ABCB9: variants seen among roughly 807,000 people sequenced by gnomAD.
ABCB9 encodes ABC-type oligopeptide transporter ABCB9.
Under a neutral mutation model 62.0 loss-of-function variants are expected in ABCB9, and 36 were observed. That is an observed-to-expected ratio of 0.58 (90% CI 0.45 to 0.77). The LOEUF (loss-of-function observed/expected upper bound fraction) is 0.77, where lower values mean the gene tolerates loss of function less well. Ranked by LOEUF, ABCB9 falls within the 30% of genes least tolerant of loss-of-function variation. The pLI, the probability that ABCB9 is intolerant of heterozygous loss-of-function variation, is 0.00. For missense variants in ABCB9, 943 were observed against 1,054.7 expected (o/e 0.89, Z 1.47); for synonymous variants, 435 against 461.4 (o/e 0.94, Z 0.73).
At chr12:122,923,453 ATTTT>A (rs967742061) in intron 11 of ABCB9, among the ~76,000 whole-genome samples, 2 of 150,950 alleles carry the variant, frequency 1.3e-5, no homozygotes, top group South Asian at 4.2e-4. Flanking sequence ...CGCCCGGCTA[ATTTT>A]TTTTTGTATT....
downstream of ABCB9, among the ~76,000 whole-genome samples, chr12:122,928,208 G>A (rs1015519248): frequency 2.6e-5 from 4 of 152,156 alleles, no homozygotes; most frequent in African/African-American, 9.7e-5. Flanking sequence ...GGTGGCTCAC[G>A]CCTATAATCC....
At chr12:122,920,750 CA>C (rs60857491), downstream of ABCB9, among the ~76,000 whole-genome samples, 8,958 of 142,362 alleles carry the variant, frequency 0.063, 819 homozygotes, top group African/African-American at 0.2. Context: ...ACAAAAAATA[CA>C]AAAAAAAAAA....
At position 122,929,321 on chromosome 12, in the gene ABCB9, G is replaced by A. The variant is rs960175545; in HGVS notation, c.*590C>T. 2.1e-5 allele frequency: 21 copies of A among 985,826 alleles called. No individual in the cohort carries two copies. In the South Asian group the frequency reaches 2.3e-4, roughly 11 times the overall value. 61.1% of individuals were successfully genotyped at this position (985,826 alleles called of 1,614,324 possible). A position where few individuals can be genotyped will look rare whatever the true frequency, so the allele number is the denominator to read the frequency against. ...AGTGAGACTGGCTTAGATTGGCAGC[G>A]GGCGATGGCAGACAGATGCCCTCCA... On this transcript the variant is annotated 3_prime_UTR_variant, in exon 12 of 12. Transcript: ENST00000280560. This position sits in a 1 kb window ranked among gnomAD's most constrained non-coding sequence, Gnocchi z 6.0.
At chr12:122,924,667 GC>G (rs1401443034), downstream of ABCB9, 1 of 1,504,712 alleles carries the variant, frequency 6.6e-7, no homozygotes, top group African/African-American at 1.4e-5. Flanking sequence ...AAGTCCTGGC[GC>G]CAGGACTAAG....
exon 1 of ABCB9, chr12:122,975,099 T>G (rs531825907): frequency 4.0e-6 from 2 of 499,278 alleles, no homozygotes; most frequent in Non-Finnish European, 7.2e-6. Flanking sequence ...AGCATCTTTC[T>G]CCGCAGACCG....
In ABCB9 at chr12:122,932,200, C is replaced by T. The variant is rs1226672816; in HGVS notation, c.2032G>A (p.Glu678Lys). The change falls in exon 11 of 12, where the codon GAG becomes AAG. Residue 678 changes from glutamate (E) to lysine (K), a missense_variant. Transcript: ENST00000280560. This position sits in a 1 kb window ranked among gnomAD's most constrained non-coding sequence, Gnocchi z 4.7. ...ACCACCCTGTGACTCACCAGATACT[C>T]GCTCTCGGCATCCAAAGCGCTGGTG... Reference protein sequence around the residue: ...EATSALDAESEYLIQQAIHGN... With the variant: ...EATSALDAESKYLIQQAIHGN... 3.9e-6 allele frequency: 6 copies of T among 1,552,724 alleles called. No individual in the cohort carries two copies. The highest frequency in any genetic ancestry group is 1.2e-5 in the South Asian group (1 of 84,098).
chr12:122,939,959 T>C (rs1404436963), intron 9 of ABCB9, 152 bp downstream of exon 9: 22 of 1,087,088 alleles, frequency 2.0e-5, no homozygotes, highest in Non-Finnish European at 2.8e-5. Context: ...GACAAGAATG[T>C]TCTGTTTCTC....
At chr12:122,962,269 G>A (rs1206650363) in intron 1 of ABCB9, among the ~76,000 whole-genome samples, 1 of 152,214 alleles carries the variant, frequency 6.6e-6, no homozygotes, top group Non-Finnish European at 1.5e-5. Context: ...GACCGGGCTG[G>A]GGTGTGTCCC....
At chr12:122,974,207 T>G (rs1237086625) in intron 1 of ABCB9, among the ~76,000 whole-genome samples, 1 of 152,112 alleles carries the variant, frequency 6.6e-6, no homozygotes, top group Non-Finnish European at 1.5e-5. Flanking sequence ...AAAGGGCAGT[T>G]AGGCGGGTAA....
intron 4 of ABCB9, 100 bp downstream of exon 4, chr12:122,949,688 G>T: frequency 1.3e-6 from 2 of 1,484,546 alleles, no homozygotes; most frequent in Non-Finnish European, 1.9e-6. Context: ...AAGACAGAGG[G>T]CTGAGACCAC....
At chr12:122,973,606 A>AAAAC (rs2037320655) in intron 1 of ABCB9, among the ~76,000 whole-genome samples, 1 of 144,382 alleles carries the variant, frequency 6.9e-6, no homozygotes, top group South Asian at 2.2e-4. Flanking sequence ...AAAAAAAAAA[A>AAAAC]AAACAAAAAC....
intron 2 of ABCB9, among the ~76,000 whole-genome samples, chr12:122,955,660 G>A (rs2036578667): frequency 6.6e-6 from 1 of 152,204 alleles, no homozygotes; most frequent in South Asian, 2.1e-4. Flanking sequence ...GGCATTGTAG[G>A]CATGAGCCAC....
At chr12:122,975,075 C>T in exon 1 of ABCB9, 2 of 483,490 alleles carry the variant, frequency 4.1e-6, no homozygotes, top group Non-Finnish European at 7.5e-6. Flanking sequence ...CCGCCGGTCC[C>T]AACCCGGCCC....
In ABCB9 at chr12:122,921,471, A is replaced by G. The variant is rs1033675706; in HGVS notation, c.2041-428T>C. Among the ~76,000 whole-genome samples, 9 of 151,878 alleles carry G rather than the reference A, an allele frequency of 5.9e-5. No individual in the cohort carries two copies. The South Asian group carries it at 8.3e-4, about 14-fold the overall frequency. ...GTTAATGTTATGTTATGTGTATTTT[A>G]CCACAATTTAAAAAGCAAACATTGG... On this transcript the variant is annotated intron_variant, in intron 11 of 11. Coordinates refer to the ABCB9 transcript ENST00000344275.
chr12:122,975,067 G>T (rs370743365), exon 1 of ABCB9: 105 of 467,442 alleles, frequency 2.2e-4, no homozygotes, highest in African/African-American at 1.9e-3. Context: ...CGAGGAGGCC[G>T]CCGGTCCCAA....
chr12:122,924,947 C>CAAAA, downstream of ABCB9: 2 of 890,286 alleles, frequency 2.2e-6, no homozygotes, highest in African/African-American at 1.7e-5. Flanking sequence ...GACAGAGTCT[C>CAAAA]ACTCTGTCAC....
chr12:122,964,217 C>T lies in ABCB9; in HGVS notation c.-88+2070G>A, dbSNP rs2037054358. ...CAAAACCTGGACAGCAGCCCAGGGG[C>T]TTGGCTGACTCTCCCAACCTGACTC... On this transcript the variant is annotated intron_variant, in intron 1 of 11. Transcript: ENST00000280560. This position sits in a 1 kb window ranked among gnomAD's most constrained non-coding sequence, Gnocchi z 4.7. Among the ~76,000 whole-genome samples, 1 of 152,192 alleles carries T rather than the reference C, an allele frequency of 6.6e-6. No individual in the cohort carries two copies. The highest frequency in any genetic ancestry group is 2.4e-5 in the African/African-American group (1 of 41,440).
Position 122,940,661 on chromosome 12 carries a change from C to T in ABCB9, c.1569+146G>A. On this transcript the variant is annotated intron_variant, in intron 8 of 11. Transcript: ENST00000280560. This position sits in a 1 kb window ranked among gnomAD's most constrained non-coding sequence, Gnocchi z 4.8. ...ATCATTCTGTTAAGTATCTGTCTTC[C>T]CCAACTGGAGCCCAAAACTCCTGGA... The T allele has an allele frequency of 9.9e-7, 1 of 1,012,100 alleles. No individual in the cohort carries two copies. Among genetic ancestry groups the T allele is most frequent in the East Asian group, 2.7e-5 (1 of 37,664 alleles). 62.7% of individuals were successfully genotyped at this position (1,012,100 alleles called of 1,614,324 possible).
rs564444198 is a variant in ABCB9 at position 122,940,260 on chromosome 12, C to G, written c.1594G>C (p.Gly532Arg). The change falls in exon 9 of 12, where the codon GGC (glycine) becomes CGC (arginine). Residue 532 changes from glycine to arginine, a missense_variant. By Grantham distance (125) the Gly-to-Arg change is moderately radical. Coordinates refer to ENST00000280560, the MANE Select transcript of ABCB9 (RefSeq NM_019625.4). The surrounding 1 kb of genome is among the most constrained non-coding windows in gnomAD (Gnocchi z 4.8). ...LQNVSFSLSP[G>R]KVTALVGPSG... is the part of the protein sequence containing the mutation. ...GGCCCCACCAGGGCCGTCACCTTGCCGGGGGACAGGCTGAAGGAGACATTC... is the reference window on the plus strand; with the variant it reads ...GGCCCCACCAGGGCCGTCACCTTGCGGGGGGACAGGCTGAAGGAGACATTC... 7 of 1,605,142 alleles carry G rather than the reference C, an allele frequency of 4.4e-6. No homozygotes were observed. In the East Asian group the frequency reaches 1.3e-4, roughly 31 times the overall value.
Sources: allele counts gnomAD v4.1 joint callset (sites outside exome capture counted in the v4.1 genomes callset), GRCh38; gene constraint gnomAD v4.1.1; non-coding constraint Gnocchi (gnomAD v3.1); transcripts MANE v1.5; gene names NCBI Gene and HGNC (gene_info 2026-07-23, HGNC 2026-07-21).